KIF13A: variants seen among roughly 807,000 people sequenced by gnomAD.
KIF13A encodes kinesin-like protein KIF13A.
A neutral mutation model predicts 212.2 loss-of-function variants in KIF13A; 79 were observed. That is an observed-to-expected ratio of 0.37 (90% CI 0.31 to 0.45). The LOEUF (loss-of-function observed/expected upper bound fraction) is 0.45. Ranked by LOEUF, KIF13A falls within the 20% of genes least tolerant of loss-of-function variation. The probability of loss-of-function intolerance (pLI) is 1.00; values close to 1 mark genes in which losing one functional copy is unlikely to be tolerated. For missense variants in KIF13A, 1,901 were observed against 2,209.0 expected (o/e 0.86, Z 2.79); for synonymous variants, 789 against 808.6 (o/e 0.98, Z 0.41).
rs1465586643 is a variant in KIF13A at position 17,838,766 on chromosome 6, A to C, written c.831-1183T>G. The stretch of plus-strand genomic sequence containing the variant: ...ATAGAGACTGGAATGGACAATGGAG[A>C]CTTGGAAGGGTGAGGGAGTGGAAGG... On this transcript the variant is annotated intron_variant, in intron 9 of 38. Transcript: ENST00000259711. This position sits in a 1 kb window ranked among gnomAD's most constrained non-coding sequence, Gnocchi z 4.2. Among the ~76,000 whole-genome samples, 1 of 152,156 alleles carries C rather than the reference A, an allele frequency of 6.6e-6. No individual in the cohort carries two copies. The highest frequency in any genetic ancestry group is 1.5e-5 in the Non-Finnish European group (1 of 68,040).
At chr6:17,905,866 G>C (rs995442892) in intron 2 of KIF13A, among the ~76,000 whole-genome samples, 8 of 152,158 alleles carry the variant, frequency 5.3e-5, no homozygotes, top group African/African-American at 1.9e-4. Context: ...GATGGTATAG[G>C]GATGAGGTTT....
intron 17 of KIF13A, chr6:17,815,573 T>G (rs1214511016): frequency 4.7e-6 from 2 of 427,340 alleles, no homozygotes; most frequent in Admixed American, 4.8e-5. Context: ...ACTTGTCTTC[T>G]GGTCACTTCT....
chr6:17,823,035 T>C (rs1302653810), intron 16 of KIF13A, among the ~76,000 whole-genome samples: 1 of 116,016 alleles, frequency 8.6e-6, no homozygotes, highest in Non-Finnish European at 1.9e-5. Context: ...CATGGTTCTA[T>C]ACTTTTTTTT....
intron 29 of KIF13A, among the ~76,000 whole-genome samples, chr6:17,782,632 C>CACAAAACAAAACAAA (rs1298463238): frequency 9.5e-6 from 1 of 105,132 alleles, no homozygotes. Flanking sequence ...GAGACTCTGT[C>CACAAAACAAAACAAA]TCAAAACAAA....
In KIF13A at chr6:17,769,563, C is replaced by T. The variant is rs1345702182; in HGVS notation, c.4581+1551G>A. Among the ~76,000 whole-genome samples, 1 of 152,146 alleles carries T rather than the reference C, an allele frequency of 6.6e-6. No homozygotes were observed. Among genetic ancestry groups the T allele is most frequent in the African/African-American group, 2.4e-5 (1 of 41,418 alleles). ...TATTAAAGAGAAAGTGAAGAAAACACGAGCCTAGCTCTGTGAACTGTGAAA... is the reference window on the plus strand; with the variant it reads ...TATTAAAGAGAAAGTGAAGAAAACATGAGCCTAGCTCTGTGAACTGTGAAA... On this transcript the variant is annotated intron_variant, in intron 38 of 38. Coordinates refer to ENST00000259711, the MANE Select transcript of KIF13A (RefSeq NM_022113.6). This position sits in a 1 kb window ranked among gnomAD's most constrained non-coding sequence, Gnocchi z 5.8.
chr6:17,981,548 C>G (rs1023118358), intron 2 of KIF13A, among the ~76,000 whole-genome samples: 50 of 151,640 alleles, frequency 3.3e-4, no homozygotes, highest in Admixed American at 8.5e-4. Flanking sequence ...CTCAGCCTCC[C>G]GAGTAGCTGG....
intron 2 of KIF13A, among the ~76,000 whole-genome samples, chr6:17,979,439 C>A (rs527898394): frequency 6.6e-6 from 1 of 152,104 alleles, no homozygotes; most frequent in Admixed American, 6.5e-5. Context: ...GTTGGAAGTT[C>A]AATAGAAAAG....
chr6:17,844,480 T>G (rs1191760304), intron 9 of KIF13A, among the ~76,000 whole-genome samples: 4 of 152,210 alleles, frequency 2.6e-5, no homozygotes, highest in African/African-American at 9.7e-5. Flanking sequence ...AGCCAAAGTT[T>G]TACAGGATTT....
Position 17,783,998 on chromosome 6 carries a change from G to A in KIF13A, c.3489-297C>T, listed in dbSNP as rs2150310914. ...GTAAAGGGAAGGGGGGATGTTGTTAGGGTGGTAACGGGACAGGATCAGAGC... is the reference window on the plus strand; with the variant it reads ...GTAAAGGGAAGGGGGGATGTTGTTAAGGTGGTAACGGGACAGGATCAGAGC... On this transcript the variant is annotated intron_variant, in intron 28 of 38. Coordinates refer to ENST00000259711, the MANE Select transcript of KIF13A (RefSeq NM_022113.6). This position sits in a 1 kb window ranked among gnomAD's most constrained non-coding sequence, Gnocchi z 4.3. 6.6e-6 allele frequency among the ~76,000 whole-genome samples: 1 copy of A among 152,310 alleles called. No homozygotes were observed. Among genetic ancestry groups the A allele is most frequent in the African/African-American group, 2.4e-5 (1 of 41,564 alleles).
At chr6:17,950,797 A>G (rs991342995) in intron 2 of KIF13A, 1 of 978,180 alleles carries the variant, frequency 1.0e-6, no homozygotes, top group Non-Finnish European at 1.2e-6. Flanking sequence ...TTACTAAAGG[A>G]CTTTTAAATC....
intron 2 of KIF13A, among the ~76,000 whole-genome samples, chr6:17,911,997 C>G (rs542032021): frequency 6.6e-6 from 1 of 152,156 alleles, no homozygotes; most frequent in Non-Finnish European, 1.5e-5. Context: ...CTCCTGAGCT[C>G]AGGCGATTAC....
At chr6:17,896,458 T>C (rs1219709982) in intron 3 of KIF13A, among the ~76,000 whole-genome samples, 3 of 152,196 alleles carry the variant, frequency 2.0e-5, no homozygotes, top group African/African-American at 4.8e-5. Context: ...AACATTTACA[T>C]AGTTTCTATG....
chr6:17,794,571 CCTGT>C lies in KIF13A; in HGVS notation c.3072_3075del (p.Gln1025ValfsTer10), dbSNP rs1761875035. On this transcript the variant is annotated frameshift_variant and splice_region_variant, in exon 24 of 39. Coordinates refer to ENST00000259711, the MANE Select transcript of KIF13A (RefSeq NM_022113.6). LOFTEE classifies it high-confidence loss of function. The surrounding 1 kb of genome is among the most constrained non-coding windows in gnomAD (Gnocchi z 4.1). Reference sequence around the variant, plus strand: ...AAAAAAACCCAAAACAAACTCAGTACCTGTCTAAGTTGAAAGATGCCTCCTGTGT... The same window carrying C: ...AAAAAAACCCAAAACAAACTCAGTACCTAAGTTGAAAGATGCCTCCTGTGT... 1 of 1,601,532 alleles carries C rather than the reference CCTGT, an allele frequency of 6.2e-7. No individual in the cohort carries two copies. Among genetic ancestry groups the C allele is most frequent in the Non-Finnish European group, 8.5e-7 (1 of 1,176,272 alleles).
chr6:17,846,625 A>G (rs997971988), intron 9 of KIF13A, among the ~76,000 whole-genome samples: 69 of 141,624 alleles, frequency 4.9e-4, no homozygotes, highest in African/African-American at 1.5e-3. Flanking sequence ...AAAAAAAAAA[A>G]GGGAAGGAAG....
intron 2 of KIF13A, among the ~76,000 whole-genome samples, chr6:17,943,476 G>A (rs2150558932): frequency 6.8e-6 from 1 of 146,400 alleles, no homozygotes; most frequent in South Asian, 2.2e-4. Flanking sequence ...TCGAACTCCT[G>A]ACCTCAGGTG....
rs868817070 is a variant in KIF13A at position 17,872,557 on chromosome 6, T to C, written c.220+820A>G. Among the ~76,000 whole-genome samples the C allele has an allele frequency of 2.9e-4, 44 of 152,240 alleles. No individual in the cohort carries two copies. The highest frequency in any genetic ancestry group is 1.0e-3 in the African/African-American group (42 of 41,464). ...AAAGCATGTGTTAATTAGCTCAATTTAGCCATTCCATAATATATACATATT... is the reference window on the plus strand; with the variant it reads ...AAAGCATGTGTTAATTAGCTCAATTCAGCCATTCCATAATATATACATATT... On this transcript the variant is annotated intron_variant, in intron 4 of 38. Coordinates refer to ENST00000259711, the MANE Select transcript of KIF13A (RefSeq NM_022113.6). This position sits in a 1 kb window ranked among gnomAD's most constrained non-coding sequence, Gnocchi z 4.7.
Position 17,849,309 on chromosome 6 carries a change from C to A in KIF13A, c.830+68G>T. On this transcript the variant is annotated intron_variant, in intron 9 of 38. Transcript: ENST00000259711. The surrounding 1 kb of genome is among the most constrained non-coding windows in gnomAD (Gnocchi z 5.7). ...CAACCTGTACATCAGAACCATCTGA[C>A]CCTCATAATGCAACAAATCCCCTCC... The A allele has an allele frequency of 1.8e-6, 2 of 1,092,856 alleles. No homozygotes were observed. Among genetic ancestry groups the A allele is most frequent in the Non-Finnish European group, 2.7e-6 (2 of 733,448 alleles). The allele number at this position is 1,092,856 out of a possible 1,614,324, so 67.7% of individuals were successfully genotyped here. A position where few individuals can be genotyped will look rare whatever the true frequency, so the allele number is the denominator to read the frequency against.
At chr6:17,793,245 T>C (rs62394106) in intron 25 of KIF13A, among the ~76,000 whole-genome samples, 32,982 of 151,848 alleles carry the variant, frequency 0.22, 3,741 homozygotes, top group South Asian at 0.35. Context: ...GACACCTGGC[T>C]AATTTTCTGT....
intron 2 of KIF13A, among the ~76,000 whole-genome samples, chr6:17,966,451 T>G (rs1398366382): frequency 6.7e-6 from 1 of 149,808 alleles, no homozygotes; most frequent in Non-Finnish European, 1.5e-5. Context: ...GAATTTTTTT[T>G]TTTTTTTTTT....
Sources: allele counts gnomAD v4.1 joint callset (sites outside exome capture counted in the v4.1 genomes callset), GRCh38; gene constraint gnomAD v4.1.1; non-coding constraint Gnocchi (gnomAD v3.1); transcripts MANE v1.5; gene names NCBI Gene and HGNC (gene_info 2026-07-23, HGNC 2026-07-21).